Variants in AGGF1 observed in about 807,000 individuals in gnomAD.
The protein encoded by AGGF1 is angiogenic factor with G-patch and FHA domains 1, also known as angiogenic factor with G patch and FHA domains 1.
AGGF1 carries 56 observed loss-of-function variants against 86.5 expected under a neutral mutation model. The observed-to-expected ratio is 0.65, with a 90% CI of 0.52 to 0.81. AGGF1 has a LOEUF of 0.81. Ranked by LOEUF, AGGF1 falls within the 30% of genes least tolerant of loss-of-function variation. The pLI is 0.00. For synonymous variants in AGGF1, 313 were observed against 297.1 expected (o/e 1.05, Z -0.55); for missense variants, 816 against 850.9 (o/e 0.96, Z 0.51).
At chr5:77,032,132 G>C (rs1235802420) in intron 1 of AGGF1, among the ~76,000 whole-genome samples, 1 of 151,678 alleles carries the variant, frequency 6.6e-6, no homozygotes, top group Non-Finnish European at 1.5e-5. Flanking sequence ...CTGTTGAGTT[G>C]CAATGACTTT....
At chr5:77,055,451 G>C in intron 10 of AGGF1, 63 bp from the exon 11 acceptor site, 1 of 1,081,964 alleles carries the variant, frequency 9.2e-7, no homozygotes. Context: ...AATAACATTA[G>C]TTTTAATTTT....
At chr5:77,036,830 C>A (rs1561284174) in intron 4 of AGGF1, 110 bp downstream of exon 4, 3 of 1,197,238 alleles carry the variant, frequency 2.5e-6, no homozygotes, top group African/African-American at 3.0e-5. Flanking sequence ...TTTCACCCCC[C>A]AGGTTCAAGT....
Position 77,059,739 on chromosome 5 carries a change from C to T in AGGF1, c.1840C>T (p.His614Tyr). The T allele has an allele frequency of 6.2e-7, 1 of 1,613,666 alleles. No homozygotes were observed. The highest frequency in any genetic ancestry group is 8.5e-7 in the Non-Finnish European group (1 of 1,179,710). Reference protein sequence around the residue: ...FQRDDAPASVHSEITDSNKGR... With the variant: ...FQRDDAPASVYSEITDSNKGR... Reference sequence around the variant, plus strand: ...AAGAGATGATGCTCCTGCATCTGTTCATTCGTAAGTTTTGAATTACAGTGG... The same window carrying T: ...AAGAGATGATGCTCCTGCATCTGTTTATTCGTAAGTTTTGAATTACAGTGG... The change falls in exon 12 of 14, where the codon CAT becomes TAT. Residue 614 changes from histidine (H) to tyrosine (Y), a missense_variant. By Grantham distance (83) the His-to-Tyr change is moderately conservative. Around this residue, in one of 3 missense-constraint regions of AGGF1, gnomAD observed 565 missense variants for 585.8 expected, o/e 0.96. Coordinates refer to ENST00000312916, the MANE Select transcript of AGGF1 (RefSeq NM_018046.5).
intron 2 of AGGF1, 80 bp downstream of exon 2, chr5:77,034,600 TAAAC>T (rs772684413): frequency 1.0e-4 from 102 of 979,444 alleles, no homozygotes; most frequent in East Asian, 3.8e-4. Flanking sequence ...TAATTTAAAA[TAAAC>T]AAAGATCAAG....
chr5:77,051,638 T>C (rs10072933), intron 8 of AGGF1, among the ~76,000 whole-genome samples: 26,797 of 152,172 alleles, frequency 0.18, 2,783 homozygotes, highest in Non-Finnish European at 0.21. Flanking sequence ...AAAACAGTTA[T>C]GTAGTAAAGT....
intron 5 of AGGF1, 27 bp from the exon 6 acceptor site, chr5:77,046,319 TC>T: frequency 6.4e-7 from 1 of 1,562,390 alleles, no homozygotes; most frequent in African/African-American, 1.4e-5. Context: ...TCTCCCCTGT[TC>T]CCTCGTATCT....
intron 5 of AGGF1, among the ~76,000 whole-genome samples, chr5:77,041,865 G>T (rs1402561094): frequency 2.7e-5 from 4 of 146,524 alleles, no homozygotes; most frequent in Non-Finnish European, 6.0e-5. Context: ...CACAGAGGGG[G>T]ATTTGGCAGG....
chr5:77,042,575 C>CG (rs1218014979), intron 5 of AGGF1, among the ~76,000 whole-genome samples: 1 of 49,392 alleles, frequency 2.0e-5, no homozygotes, highest in African/African-American at 6.7e-5. Flanking sequence ...GCTGGCCGGG[C>CG]GGGGGGGCTG....
chr5:77,060,010 T>G (rs905442030), intron 12 of AGGF1, among the ~76,000 whole-genome samples: 1 of 152,168 alleles, frequency 6.6e-6, no homozygotes, highest in East Asian at 1.9e-4. Context: ...CCCAGCTAAT[T>G]TTTGTGTTTT....
At position 77,048,339 on chromosome 5, in the gene AGGF1, A is replaced by T. The variant is rs1200215124; in HGVS notation, c.1313+67A>T. The T allele has an allele frequency of 3.0e-6, 4 of 1,315,498 alleles. No homozygotes were observed. In the Admixed American group the frequency reaches 7.2e-5, roughly 24 times the overall value. 81.5% of individuals were successfully genotyped at this position (1,315,498 alleles called of 1,614,324 possible). A position where few individuals can be genotyped will look rare whatever the true frequency, so the allele number is the denominator to read the frequency against. ...CAGAAAGGCTTTATTAAGAGCATGT[A>T]TTTTTGTTTGTTTGTTTGTTTTTTG... On this transcript the variant is annotated intron_variant, in intron 7 of 13. Transcript: ENST00000312916.
Position 77,063,228 on chromosome 5 carries a change from T to C in AGGF1, c.2121T>C (p.Pro707=), listed in dbSNP as rs753967697. The change falls in exon 14 of 14, where the codon CCT becomes CCC. Residue 707 remains proline, a synonymous_variant. Transcript: ENST00000312916. ...AAAAAGATGACCCAGGGACCATGCCTTGGGTAAAAGGGACTTTAGAGTGAA... is the reference window on the plus strand; with the variant it reads ...AAAAAGATGACCCAGGGACCATGCCCTGGGTAAAAGGGACTTTAGAGTGAA... ...KPQKDDPGTM[P]WVKGTLE is the part of the protein sequence containing the mutation. 3.1e-6 allele frequency: 5 copies of C among 1,613,618 alleles called. No individual in the cohort carries two copies.
At position 77,030,929 on chromosome 5, in the gene AGGF1, C is replaced by A; in HGVS notation, c.163C>A (p.Arg55=). 1 of 1,613,190 alleles carries A rather than the reference C, an allele frequency of 6.2e-7. No individual in the cohort carries two copies. The change falls in exon 1 of 14, where the codon CGG becomes AGG. Residue 55 remains arginine, a synonymous_variant. Coordinates refer to ENST00000312916, the MANE Select transcript of AGGF1 (RefSeq NM_018046.5). ...EIEKLLHHTE[R]LYQNAESNNQ... ...CGAGAAGCTGCTGCATCACACAGAA[C>A]GGCTGTACCAGAACGCAGAAAGCAA...
chr5:77,053,933 G>T, intron 9 of AGGF1, 32 bp from the exon 10 acceptor site: 1 of 1,609,184 alleles, frequency 6.2e-7, no homozygotes, highest in South Asian at 1.1e-5. Flanking sequence ...TGATTGTTTT[G>T]ATTTCTGTTT....
At position 77,059,704 on chromosome 5, in the gene AGGF1, G is replaced by C; in HGVS notation, c.1805G>C (p.Gly602Ala). 1.2e-6 allele frequency: 2 copies of C among 1,613,798 alleles called. No homozygotes were observed. Among genetic ancestry groups the C allele is most frequent in the South Asian group, 2.2e-5 (2 of 91,052 alleles). Residue 602 changes from glycine to alanine, a missense_variant, in exon 12 of 14, where the codon GGA (glycine) becomes GCA (alanine). Transcript: ENST00000312916. Reference protein sequence around the residue: ...GKRREQVGSEGTFQRDDAPAS... With the variant: ...GKRREQVGSEATFQRDDAPAS... ...CGTAGGGAGCAGGTTGGAAGTGAAG[G>C]AACTTTCCAAAGAGATGATGCTCCT... is the stretch of plus-strand genomic sequence containing the variant.
intron 8 of AGGF1, among the ~76,000 whole-genome samples, chr5:77,049,285 A>G (rs1747328005): frequency 6.6e-6 from 1 of 152,202 alleles, no homozygotes; most frequent in South Asian, 2.1e-4. Flanking sequence ...AATAGGCTAC[A>G]TTTTATGACC....
At chr5:77,039,502 A>G in intron 4 of AGGF1, 29 bp from the exon 5 acceptor site, 3 of 1,553,212 alleles carry the variant, frequency 1.9e-6, no homozygotes, top group Non-Finnish European at 2.6e-6. Flanking sequence ...TTACATGAAT[A>G]GAATTTATTT....
intron 8 of AGGF1, among the ~76,000 whole-genome samples, chr5:77,050,385 G>A (rs1172601251): frequency 7.8e-6 from 1 of 128,886 alleles, no homozygotes; most frequent in Admixed American, 9.5e-5. Context: ...GCAGTGGCAC[G>A]CACCACAGCC....
At chr5:77,031,767 G>A (rs1746858149) in intron 1 of AGGF1, among the ~76,000 whole-genome samples, 1 of 152,136 alleles carries the variant, frequency 6.6e-6, no homozygotes, top group South Asian at 2.1e-4. Flanking sequence ...AGCCGGGCGT[G>A]GCGGCGGGCA....
At chr5:77,035,907 A>G (rs1561283879) in intron 3 of AGGF1, 164 bp downstream of exon 3, 1 of 688,216 alleles carries the variant, frequency 1.5e-6, no homozygotes, top group South Asian at 1.8e-5. Context: ...TTCCAAAACC[A>G]GAATTAGAAC....
Sources: gnomAD v4.1 joint callset for allele counts (sites outside exome capture counted in the v4.1 genomes callset) on GRCh38, gnomAD v4.1.1 for gene constraint, gnomAD v4.1.1 regional missense constraint, MANE v1.5 for transcripts, NCBI Gene and HGNC (gene_info 2026-07-23, HGNC 2026-07-21) for gene names.